The following AGAP1 variants were observed in gnomAD, a reference collection of about 807,000 sequenced individuals.
The protein encoded by AGAP1 is arf-GAP with GTPase, ANK repeat and PH domain-containing protein 1.
In AGAP1, 29 loss-of-function variants were observed where a neutral mutation model predicts 105.3. The observed-to-expected ratio is 0.28, with a 90% confidence interval of 0.21 to 0.38. The LOEUF (loss-of-function observed/expected upper bound fraction) is 0.38. AGAP1 is among the 10% of genes least tolerant of loss of function. AGAP1 has a pLI of 1.00. For synonymous variants in AGAP1, 509 were observed against 485.9 expected, an observed-to-expected ratio of 1.05 and a Z score of -0.63; for missense variants, 998 against 1,165.1, an observed-to-expected ratio of 0.86 and a Z score of 2.09.
At chr2:235,507,900 A>G (rs1035669483) in intron 1 of AGAP1, among the ~76,000 whole-genome samples, 1 of 152,112 alleles carries the variant, frequency 6.6e-6, no homozygotes, top group South Asian at 2.1e-4. Context: ...AGATTATTAC[A>G]ACGCATAGTA....
At chr2:235,680,673 G>A (rs1949016872) in intron 1 of AGAP1, among the ~76,000 whole-genome samples, 1 of 152,016 alleles carries the variant, frequency 6.6e-6, no homozygotes, top group Non-Finnish European at 1.5e-5. Flanking sequence ...TGTGCAGCTG[G>A]GGCTGTACCT....
chr2:235,835,798 A>G (rs1960087913), intron 9 of AGAP1, among the ~76,000 whole-genome samples: 1 of 152,242 alleles, frequency 6.6e-6, no homozygotes, highest in Admixed American at 6.5e-5. Flanking sequence ...TTAAGGTAGA[A>G]AGTAATGATT....
Position 235,552,046 on chromosome 2 carries a change from G to C in AGAP1, c.163+57197G>C, listed in dbSNP as rs901646822. On this transcript the variant is annotated intron_variant, in intron 1 of 17. Transcript: ENST00000304032. The surrounding 1 kb of genome is among the most constrained non-coding windows in gnomAD (Gnocchi z 5.9). ...TTTCTCTGGTCCCTGCCACCTGCTGGAAGGAGCCTGCAGGGAACTGTTTGT... is the reference window on the plus strand; with the variant it reads ...TTTCTCTGGTCCCTGCCACCTGCTGCAAGGAGCCTGCAGGGAACTGTTTGT... Among the ~76,000 whole-genome samples, 4 of 152,244 alleles carry C rather than the reference G, an allele frequency of 2.6e-5. No individual in the cohort carries two copies. The highest frequency in any genetic ancestry group is 9.6e-5 in the African/African-American group (4 of 41,466).
chr2:235,757,401 G>A (rs1954019495), intron 6 of AGAP1, among the ~76,000 whole-genome samples: 1 of 148,562 alleles, frequency 6.7e-6, no homozygotes. Flanking sequence ...CTGTGTGCCA[G>A]GTGCTAGTGT....
At chr2:235,933,835 T>G (rs906709800) in intron 12 of AGAP1, among the ~76,000 whole-genome samples, 5 of 152,196 alleles carry the variant, frequency 3.3e-5, no homozygotes, top group Non-Finnish European at 7.3e-5. Context: ...CCGGCCTTTC[T>G]AAGGATTAAT....
At chr2:235,743,801 T>A (rs1360131544) in intron 4 of AGAP1, among the ~76,000 whole-genome samples, 1 of 152,214 alleles carries the variant, frequency 6.6e-6, no homozygotes, top group Non-Finnish European at 1.5e-5. Context: ...GTTTTTCAAA[T>A]TTGCACTTGG....
chr2:235,933,536 A>ATTTTTTT (rs71036300), intron 12 of AGAP1, among the ~76,000 whole-genome samples: 1 of 141,986 alleles, frequency 7.0e-6, no homozygotes, highest in African/African-American at 2.6e-5. Context: ...TTTTCTAAGG[A>ATTTTTTT]TTTTTTTTTT....
At chr2:235,730,027 G>C (rs1341727701) in intron 3 of AGAP1, among the ~76,000 whole-genome samples, 1 of 152,088 alleles carries the variant, frequency 6.6e-6, no homozygotes, top group African/African-American at 2.4e-5. Flanking sequence ...CTCCATGCAG[G>C]CTCATCGAAT....
In AGAP1 at chr2:236,124,799, T is replaced by C. The variant is rs2059978202; in HGVS notation, c.*677T>C. 2 of 154,132 alleles carry C rather than the reference T, an allele frequency of 1.3e-5. No homozygotes were observed. Among genetic ancestry groups the C allele is most frequent in the African/African-American group, 2.4e-5 (1 of 41,450 alleles). 9.5% of individuals were successfully genotyped at this position (154,132 alleles called of 1,614,324 possible). On this transcript the variant is annotated 3_prime_UTR_variant, in exon 18 of 18. Coordinates refer to ENST00000304032, the MANE Select transcript of AGAP1 (RefSeq NM_001037131.3). The surrounding 1 kb of genome is among the most constrained non-coding windows in gnomAD (Gnocchi z 5.1). ...GTAGTCACGCGGCACGCGCCGGTGA[T>C]TGCCACGATGTGATTGCAATACTCT... is the stretch of plus-strand genomic sequence containing the variant.
At chr2:235,950,544 T>C (rs545896065) in intron 12 of AGAP1, among the ~76,000 whole-genome samples, 1 of 152,030 alleles carries the variant, frequency 6.6e-6, no homozygotes, top group African/African-American at 2.4e-5. Context: ...GGTGGGTGGA[T>C]AGTCACTGAC....
At chr2:235,779,637 T>G (rs1020961464) in intron 6 of AGAP1, among the ~76,000 whole-genome samples, 1 of 152,232 alleles carries the variant, frequency 6.6e-6, no homozygotes, top group Non-Finnish European at 1.5e-5. Flanking sequence ...AGAGGTGCCC[T>G]TGGGGCTGAG....
intron 1 of AGAP1, chr2:235,669,957 C>T (rs1484631062): frequency 1.1e-5 from 2 of 184,276 alleles, no homozygotes; most frequent in Non-Finnish European, 1.1e-5. Flanking sequence ...CCAGGGGCGC[C>T]GTCCCCGCAG....
Position 235,815,345 on chromosome 2 carries a change from C to T in AGAP1, c.1050+8014C>T, listed in dbSNP as rs970401425. Among the ~76,000 whole-genome samples, 12 of 152,314 alleles carry T rather than the reference C, an allele frequency of 7.9e-5. No individual in the cohort carries two copies. In the South Asian group the frequency reaches 1.9e-3, roughly 24 times the overall value. On this transcript the variant is annotated intron_variant, in intron 9 of 17. Coordinates refer to ENST00000304032, the MANE Select transcript of AGAP1 (RefSeq NM_001037131.3). ...GAGCCTGTTGCCTTCTTGCTGTGTC[C>T]TCCCGTGGCCTGGACTCCATGTGCA...
intron 13 of AGAP1, among the ~76,000 whole-genome samples, chr2:236,022,890 A>G (rs928329834): frequency 6.6e-5 from 10 of 152,206 alleles, no homozygotes; most frequent in Non-Finnish European, 1.3e-4. Flanking sequence ...AGAAAATTTG[A>G]AAATAAAAAC....
At chr2:235,502,129 T>G (rs181929016) in intron 1 of AGAP1, among the ~76,000 whole-genome samples, 1 of 152,244 alleles carries the variant, frequency 6.6e-6, no homozygotes, top group East Asian at 1.9e-4. Context: ...GATGCAGTGA[T>G]GACCCATCAG....
chr2:235,646,148 G>A (rs1947375654), intron 1 of AGAP1, among the ~76,000 whole-genome samples: 1 of 151,814 alleles, frequency 6.6e-6, no homozygotes, highest in Non-Finnish European at 1.5e-5. Context: ...GGTGGTGGGT[G>A]CCTGTAATCT....
intron 13 of AGAP1, among the ~76,000 whole-genome samples, chr2:236,016,537 G>A (rs2056710193): frequency 6.6e-6 from 1 of 152,108 alleles, no homozygotes; most frequent in African/African-American, 2.4e-5. Context: ...AGCCTTGAGG[G>A]CAAATGGTTC....
In AGAP1 at chr2:235,714,069, G is replaced by A. The variant is rs1434546486; in HGVS notation, c.223-3488G>A. On this transcript the variant is annotated intron_variant, in intron 2 of 17. Transcript: ENST00000304032. The surrounding 1 kb of genome is among the most constrained non-coding windows in gnomAD (Gnocchi z 4.1). ...CACTCTGTCGCCCAGGCTGGAGTGC[G>A]GTGGTGCAATCTCAGCTCACTGCAA... Among the ~76,000 whole-genome samples the A allele has an allele frequency of 6.6e-6, 1 of 151,800 alleles. No homozygotes were observed. Among genetic ancestry groups the A allele is most frequent in the African/African-American group, 2.4e-5 (1 of 41,320 alleles).
intron 14 of AGAP1, among the ~76,000 whole-genome samples, chr2:236,037,510 C>G (rs1196783688): frequency 1.3e-5 from 2 of 152,182 alleles, no homozygotes; most frequent in Admixed American, 6.5e-5. Context: ...CCCACCTCAG[C>G]CTCCTGAGTT....
Sources: gnomAD v4.1 joint callset for allele counts (sites outside exome capture counted in the v4.1 genomes callset) on GRCh38, gnomAD v4.1.1 for gene constraint, Gnocchi (gnomAD v3.1) non-coding constraint, MANE v1.5 for transcripts, NCBI Gene and HGNC (gene_info 2026-07-23, HGNC 2026-07-21) for gene names.